CHD6: variants seen among roughly 807,000 people sequenced by gnomAD.
CHD6 encodes ATP-dependent chromatin remodeler CHD6.
In CHD6, 50 loss-of-function variants were observed where a neutral mutation model predicts 276.9. The ratio of observed to expected loss-of-function variants is 0.18; its 90% confidence interval spans 0.14 to 0.23. CHD6 has a LOEUF of 0.23. CHD6 is among the 10% of genes least tolerant of loss of function. CHD6 has a pLI of 1.00. For missense variants in CHD6, 2,564 were observed against 3,365.8 expected, an observed-to-expected ratio of 0.76 and a Z score of 5.89; for synonymous variants, 1,173 against 1,229.3, an observed-to-expected ratio of 0.95 and a Z score of 0.96.
In CHD6 at chr20:41,404,084, T is replaced by TA. The variant is rs1301576129; in HGVS notation, c.*508dup. ...ACTTCTGTCTATACTACTCACTTAG[T>TA]AATCATGATAAAATAGGGAAATATT... On this transcript the variant is annotated 3_prime_UTR_variant, in exon 37 of 37. Coordinates refer to ENST00000373233, the MANE Select transcript of CHD6 (RefSeq NM_032221.5). 3 of 1,049,078 alleles carry TA rather than the reference T, an allele frequency of 2.9e-6. No individual in the cohort carries two copies. Among genetic ancestry groups the TA allele is most frequent in the African/African-American group, 1.7e-5 (1 of 60,272 alleles). The allele number at this position is 1,049,078 out of a possible 1,614,324, so 65.0% of individuals were successfully genotyped here. A position where few individuals can be genotyped will look rare whatever the true frequency, so the allele number is the denominator to read the frequency against.
intron 16 of CHD6, among the ~76,000 whole-genome samples, chr20:41,479,435 C>T (rs1278591935): frequency 6.6e-6 from 1 of 152,014 alleles, no homozygotes; most frequent in African/African-American, 2.4e-5. Flanking sequence ...ATGTATTGCA[C>T]ACAGGGAGCA....
chr20:41,499,438 G>T, intron 5 of CHD6, 81 bp from the exon 6 acceptor site: 1 of 1,108,512 alleles, frequency 9.0e-7, no homozygotes, highest in Non-Finnish European at 1.3e-6. Flanking sequence ...ATACTACAAT[G>T]GGTACTACTT....
chr20:41,464,417 C>T (rs1228091868), intron 17 of CHD6, among the ~76,000 whole-genome samples: 1 of 152,122 alleles, frequency 6.6e-6, no homozygotes, highest in African/African-American at 2.4e-5. Context: ...GTATTTTTCA[C>T]AAAATATGGG....
In CHD6 at chr20:41,415,406, G is replaced by A; in HGVS notation, c.6719C>T (p.Pro2240Leu). The change falls in exon 34 of 37, where the codon CCT becomes CTT. Residue 2240 changes from proline (P) to leucine (L), a missense_variant. Coordinates refer to ENST00000373233, the MANE Select transcript of CHD6 (RefSeq NM_032221.5). The stretch of plus-strand genomic sequence containing the variant: ...AAGTGAACTGATAGCCCCAATCTTA[G>A]GGGTGCTGGCGCTCACTGGGAAAGG... ...TSPFPVSASTPKIGAISSLQG... is the reference protein window; with the variant it reads ...TSPFPVSASTLKIGAISSLQG... 1 of 1,613,312 alleles carries A rather than the reference G, an allele frequency of 6.2e-7. No individual in the cohort carries two copies. The highest frequency in any genetic ancestry group is 8.5e-7 in the Non-Finnish European group (1 of 1,179,614).
chr20:41,559,891 A>G (rs2045283541), intron 1 of CHD6, among the ~76,000 whole-genome samples: 1 of 151,720 alleles, frequency 6.6e-6, no homozygotes, highest in Non-Finnish European at 1.5e-5. Context: ...ACACATACAC[A>G]CACACACACA....
intron 1 of CHD6, among the ~76,000 whole-genome samples, chr20:41,572,623 T>C (rs997029918): frequency 6.6e-6 from 1 of 152,188 alleles, no homozygotes; most frequent in African/African-American, 2.4e-5. Context: ...TGCATGCCTC[T>C]GCACCTTGTA....
At chr20:41,461,341 G>C (rs1488434127) in intron 17 of CHD6, among the ~76,000 whole-genome samples, 2 of 152,166 alleles carry the variant, frequency 1.3e-5, no homozygotes, top group Non-Finnish European at 2.9e-5. Flanking sequence ...CAGGGGCAGA[G>C]TGATATGATT....
chr20:41,603,898 T>C (rs952261425), intron 1 of CHD6, among the ~76,000 whole-genome samples: 1 of 151,890 alleles, frequency 6.6e-6, no homozygotes, highest in African/African-American at 2.4e-5. Flanking sequence ...AAGAATTCAT[T>C]TCATGAAGCC....
At chr20:41,422,629 A>C (rs1388664169) in intron 30 of CHD6, among the ~76,000 whole-genome samples, 2 of 152,172 alleles carry the variant, frequency 1.3e-5, no homozygotes, top group Admixed American at 6.5e-5. Flanking sequence ...TAGGTACTTT[A>C]TACACATCTC....
intron 3 of CHD6, among the ~76,000 whole-genome samples, chr20:41,523,694 A>G (rs935002472): frequency 6.6e-6 from 1 of 151,670 alleles, no homozygotes; most frequent in Non-Finnish European, 1.5e-5. Flanking sequence ...TTATCATATG[A>G]AAGCACTAGG....
At chr20:41,590,213 T>G (rs2045642457) in intron 1 of CHD6, among the ~76,000 whole-genome samples, 2 of 152,100 alleles carry the variant, frequency 1.3e-5, no homozygotes, top group African/African-American at 4.8e-5. Context: ...AAATACGAAT[T>G]CAAGATGGAT....
chr20:41,560,776 C>G (rs1304861693), intron 1 of CHD6, among the ~76,000 whole-genome samples: 1 of 151,200 alleles, frequency 6.6e-6, no homozygotes, highest in Non-Finnish European at 1.5e-5. Context: ...TCTTCCTTCA[C>G]ACCTTTTCAA....
chr20:41,447,363 C>T (rs2048101296), intron 24 of CHD6, among the ~76,000 whole-genome samples: 1 of 152,186 alleles, frequency 6.6e-6, no homozygotes, highest in Non-Finnish European at 1.5e-5. Context: ...AAGCTGAGAA[C>T]CTGGTAGCCT....
At chr20:41,411,482 G>A (rs2046838933) in intron 36 of CHD6, among the ~76,000 whole-genome samples, 1 of 152,150 alleles carries the variant, frequency 6.6e-6, no homozygotes, top group Non-Finnish European at 1.5e-5. Context: ...GGCAGAAAGT[G>A]CTTTTAGGAG....
chr20:41,508,543 G>T (rs1161084108), intron 5 of CHD6, among the ~76,000 whole-genome samples: 1 of 152,068 alleles, frequency 6.6e-6, no homozygotes, highest in Non-Finnish European at 1.5e-5. Context: ...CAGCACAGGG[G>T]GTGGCAGCAG....
intron 2 of CHD6, among the ~76,000 whole-genome samples, chr20:41,545,139 C>T (rs2045015981): frequency 6.6e-6 from 1 of 152,160 alleles, no homozygotes; most frequent in Admixed American, 6.5e-5. Context: ...CCCCACGTGT[C>T]CCATTCTCTT....
intron 34 of CHD6, 144 bp downstream of exon 34, chr20:41,415,042 G>A (rs2046950746): frequency 1.4e-6 from 2 of 1,451,364 alleles, no homozygotes; most frequent in South Asian, 3.0e-5. Context: ...AGAAGATGGA[G>A]GGCATCTTAT....
intron 1 of CHD6, among the ~76,000 whole-genome samples, chr20:41,613,492 G>C (rs994933511): frequency 3.3e-5 from 5 of 152,200 alleles, no homozygotes; most frequent in African/African-American, 9.7e-5. Flanking sequence ...GGCAACGAAT[G>C]GCTTCCATGT....
chr20:41,577,214 A>G (rs2045483948), intron 1 of CHD6, among the ~76,000 whole-genome samples: 1 of 152,226 alleles, frequency 6.6e-6, no homozygotes, highest in Non-Finnish European at 1.5e-5. Flanking sequence ...TGTGGCCGCT[A>G]TTTATCATGA....
Sources: allele counts gnomAD v4.1 joint callset (sites outside exome capture counted in the v4.1 genomes callset), GRCh38; gene constraint gnomAD v4.1.1; transcripts MANE v1.5; gene names NCBI Gene and HGNC (gene_info 2026-07-23, HGNC 2026-07-21).